Variants in NID1 observed in about 807,000 individuals in gnomAD.
The protein encoded by NID1 is nidogen 1, also known as nidogen-1.
In NID1, 76 loss-of-function variants were observed where a neutral mutation model predicts 130.6. The ratio of observed to expected loss-of-function variants is 0.58; its 90% CI spans 0.48 to 0.70. NID1 has a LOEUF of 0.70. NID1 is among the 30% of genes least tolerant of loss of function. The probability of loss-of-function intolerance (pLI) is 0.00; values close to 1 mark genes in which losing one functional copy is unlikely to be tolerated. For synonymous variants in NID1, 665 were observed against 675.1 expected (o/e 0.98, Z 0.23); for missense variants, 1,517 against 1,664.8 (o/e 0.91, Z 1.54).
At chr1:236,049,880 A>T (rs1659712644) in intron 1 of NID1, among the ~76,000 whole-genome samples, 1 of 151,548 alleles carries the variant, frequency 6.6e-6, no homozygotes, top group Admixed American at 6.6e-5. Flanking sequence ...TCTACTAAAA[A>T]TTCAAAAATT....
rs911279413 is a variant in NID1 at position 236,033,129 on chromosome 1, G to A, written c.1286-477C>T. ...TCAAGACCAGCCTGGCCAATACGGCGAAACCCTGTCTCTACTAAAAATAAA... is the reference window on the plus strand; with the variant it reads ...TCAAGACCAGCCTGGCCAATACGGCAAAACCCTGTCTCTACTAAAAATAAA... On this transcript the variant is annotated intron_variant, in intron 5 of 19. Transcript: ENST00000264187. 3.9e-5 allele frequency among the ~76,000 whole-genome samples: 6 copies of A among 152,250 alleles called. No homozygotes were observed. The South Asian group carries it at 6.2e-4, about 16-fold the overall frequency.
rs1235384777 is a variant in NID1, at chr1:236,042,048, A to G, written c.997T>C (p.Ser333Pro). The G allele has an allele frequency of 2.5e-6, 4 of 1,614,080 alleles. No individual in the cohort carries two copies. Among genetic ancestry groups the G allele is most frequent in the Non-Finnish European group, 3.4e-6 (4 of 1,180,028 alleles). Residue 333 changes from serine to proline, a missense_variant, in exon 4 of 20, where the codon TCC becomes CCC. This residue lies in a region of NID1 where 1,329 missense variants were observed against 1,429.2 expected (regional missense o/e 0.93). Transcript: ENST00000264187. ...ADTYSVPSVL[S>P]PRRAATERPL... ...CTTTCGGTAGCTGCCCGGCGCGGGG[A>G]GAGGACGCTGGGCACACTGTATGTG...
In NID1 at chr1:235,979,508, C is replaced by T. The variant is rs575588043; in HGVS notation, c.3509+314G>A. On this transcript the variant is annotated intron_variant, in intron 18 of 19. Transcript: ENST00000264187. The surrounding 1 kb of genome is among the most constrained non-coding windows in gnomAD (Gnocchi z 4.6). Reference sequence around the variant, plus strand: ...ACATGGAGCCCACCGGCCACGTGACCCTGGGCCAACTCCTGGGGAAAGAAC... The same window carrying T: ...ACATGGAGCCCACCGGCCACGTGACTCTGGGCCAACTCCTGGGGAAAGAAC... 6.6e-6 allele frequency among the ~76,000 whole-genome samples: 1 copy of T among 152,274 alleles called. No individual in the cohort carries two copies. Among genetic ancestry groups the T allele is most frequent in the Non-Finnish European group, 1.5e-5 (1 of 68,026 alleles).
intron 13 of NID1, among the ~76,000 whole-genome samples, chr1:235,993,242 C>G (rs1384163471): frequency 6.6e-6 from 1 of 152,186 alleles, no homozygotes; most frequent in Non-Finnish European, 1.5e-5. Context: ...CAGGTTGGTC[C>G]CCACCATCCC....
At chr1:236,064,589 T>C in intron 1 of NID1, 1 of 439,612 alleles carries the variant, frequency 2.3e-6, no homozygotes. Context: ...GGGAGGAAGC[T>C]CCGCGGGGTC....
intron 10 of NID1, among the ~76,000 whole-genome samples, chr1:236,016,456 C>T (rs936543983): frequency 5.3e-5 from 8 of 152,234 alleles, no homozygotes; most frequent in South Asian, 2.1e-4. Context: ...AGTTCAGATG[C>T]GCATTTGACA....
intron 9 of NID1, among the ~76,000 whole-genome samples, chr1:236,021,833 A>G (rs1658774213): frequency 1.3e-5 from 2 of 152,194 alleles, no homozygotes; most frequent in South Asian, 4.1e-4. Flanking sequence ...TTGGCAGTAG[A>G]TTACAATTTA....
chr1:236,044,982 C>T (rs554010024), intron 3 of NID1, among the ~76,000 whole-genome samples: 129 of 152,064 alleles, frequency 8.5e-4, no homozygotes, highest in African/African-American at 3.0e-3. Flanking sequence ...GCAGATCACC[C>T]GAGGGCAGGA....
intron 7 of NID1, among the ~76,000 whole-genome samples, chr1:236,028,741 G>T (rs1053621558): frequency 1.3e-5 from 2 of 151,892 alleles, no homozygotes; most frequent in African/African-American, 2.4e-5. Flanking sequence ...GAATGGTAAA[G>T]TAAATGTGGC....
chr1:236,048,653 T>C lies in NID1; in HGVS notation c.525+37A>G, dbSNP rs1276006367. The C allele has an allele frequency of 2.5e-6, 4 of 1,595,792 alleles. No homozygotes were observed. In the South Asian group the frequency reaches 3.4e-5, roughly 13 times the overall value. ...GACCAAAGTGTATGAAGCCAATGTG[T>C]CTGATTACCTGCACTTGGACCTGGA... On this transcript the variant is annotated intron_variant, in intron 2 of 19. Transcript: ENST00000264187.
chr1:235,984,566 TGTGAATATTTTGCA>T lies in NID1; in HGVS notation c.3055+799_3055+812del, dbSNP rs1657521614. Reference sequence around the variant, plus strand: ...CTCTATTTTAAAGATGTATCTTTGATGTGAATATTTTGCAGAGAACGCAAGGTGACTCCACAGAA... The same window carrying T: ...CTCTATTTTAAAGATGTATCTTTGATGAGAACGCAAGGTGACTCCACAGAA... On this transcript the variant is annotated intron_variant, in intron 15 of 19. Transcript: ENST00000264187. Among the ~76,000 whole-genome samples the T allele has an allele frequency of 2.0e-5, 3 of 152,230 alleles. No homozygotes were observed. In the South Asian group the frequency reaches 6.2e-4, roughly 31 times the overall value.
chr1:235,983,783 C>T (rs1657501238), intron 15 of NID1, among the ~76,000 whole-genome samples: 2 of 152,130 alleles, frequency 1.3e-5, no homozygotes, highest in African/African-American at 4.8e-5. Context: ...AGAAGTATTC[C>T]TTACTGCTTA....
chr1:235,987,602 T>C (rs1348956426), intron 14 of NID1, among the ~76,000 whole-genome samples: 1 of 152,216 alleles, frequency 6.6e-6, no homozygotes, highest in Non-Finnish European at 1.5e-5. Context: ...TGCCGGGCTG[T>C]ATGATCTCAG....
rs184308847 is a variant in NID1, at chr1:236,043,659, G to A, written c.753-1367C>T. ...TAAAAATACAAAAAATTAGCTGGGC[G>A]TGGTGGTGGGCGCCTGTAGTCCCAG... On this transcript the variant is annotated intron_variant, in intron 3 of 19. Transcript: ENST00000264187. 1.8e-3 allele frequency among the ~76,000 whole-genome samples: 279 copies of A among 152,208 alleles called. 2 individuals are homozygous for A. Among genetic ancestry groups the A allele is most frequent in the African/African-American group, 6.5e-3 (268 of 41,526 alleles).
In NID1 at chr1:235,976,041, T is replaced by C. The variant is rs557852582; in HGVS notation, c.*1826A>G. The C allele has an allele frequency of 6.6e-6, 1 of 152,474 alleles. No individual in the cohort carries two copies. The highest frequency in any genetic ancestry group is 6.5e-5 in the Admixed American group (1 of 15,284). The allele number at this position is 152,474 out of a possible 1,614,324, so 9.4% of individuals were successfully genotyped here. On this transcript the variant is annotated 3_prime_UTR_variant, in exon 20 of 20. Coordinates refer to ENST00000264187, the MANE Select transcript of NID1 (RefSeq NM_002508.3). ...AATCATACAAAATCATGATGAACATTTGATATAGAGGGTTTAATATGAAAC... is the reference window on the plus strand; with the variant it reads ...AATCATACAAAATCATGATGAACATCTGATATAGAGGGTTTAATATGAAAC...
At chr1:236,046,227 T>C (rs1326170709) in intron 2 of NID1, among the ~76,000 whole-genome samples, 1 of 152,110 alleles carries the variant, frequency 6.6e-6, no homozygotes, top group Non-Finnish European at 1.5e-5. Flanking sequence ...ATCTGTAAAA[T>C]GGAGATAAAA....
At chr1:236,048,257 C>A (rs1189168092) in intron 2 of NID1, among the ~76,000 whole-genome samples, 1 of 151,820 alleles carries the variant, frequency 6.6e-6, no homozygotes, top group Non-Finnish European at 1.5e-5. Flanking sequence ...ATGGTGTGAA[C>A]CGGGGAGGCG....
At chr1:236,041,820 A>G in intron 4 of NID1, 90 bp downstream of exon 4, 2 of 1,471,582 alleles carry the variant, frequency 1.4e-6, no homozygotes, top group Non-Finnish European at 1.8e-6. Flanking sequence ...CCACCATGTA[A>G]TGCTCACAAC....
At position 236,034,438 on chromosome 1, in the gene NID1, A is replaced by G. The variant is rs1012904484; in HGVS notation, c.1286-1786T>C. On this transcript the variant is annotated intron_variant, in intron 5 of 19. Coordinates refer to ENST00000264187, the MANE Select transcript of NID1 (RefSeq NM_002508.3). ...ACTCCATCTCAAAAAAAAAAAAAAA[A>G]GAAAGAAAGAAAAAGAAAAAGGCAT... is the stretch of plus-strand genomic sequence containing the variant. 2.1e-5 allele frequency among the ~76,000 whole-genome samples: 3 copies of G among 143,072 alleles called. No homozygotes were observed. The East Asian group carries it at 6.4e-4, about 30-fold the overall frequency. 93.9% of individuals were successfully genotyped at this position (143,072 alleles called of 152,430 possible). A position where few individuals can be genotyped will look rare whatever the true frequency, so the allele number is the denominator to read the frequency against.
Sources: gnomAD v4.1 joint callset for allele counts (sites outside exome capture counted in the v4.1 genomes callset) on GRCh38, gnomAD v4.1.1 for gene constraint, gnomAD v4.1.1 regional missense constraint, Gnocchi (gnomAD v3.1) non-coding constraint, MANE v1.5 for transcripts, NCBI Gene and HGNC (gene_info 2026-07-23, HGNC 2026-07-21) for gene names.